ACTR3: variants seen among roughly 807,000 people sequenced by gnomAD.
ACTR3 encodes the protein actin related protein 3, also known as actin-related protein 3.
ACTR3 carries 12 observed loss-of-function variants against 56.8 expected under a neutral mutation model. The observed-to-expected ratio is 0.21, with a 90% CI of 0.14 to 0.34. ACTR3 has a LOEUF of 0.34. Among genes scored for constraint, ACTR3 ranks in the 10% least tolerant of loss-of-function variants. The probability of loss-of-function intolerance (pLI) is 1.00; values close to 1 mark genes in which losing one functional copy is unlikely to be tolerated. For synonymous variants in ACTR3, 162 were observed against 167.4 expected, an observed-to-expected ratio of 0.97 and a Z score of 0.25; for missense variants, 282 against 512.5, an observed-to-expected ratio of 0.55 and a Z score of 4.34.
intron 2 of ACTR3, among the ~76,000 whole-genome samples, chr2:113,913,929 A>G (rs776744349): frequency 6.6e-6 from 1 of 152,208 alleles, no homozygotes; most frequent in Non-Finnish European, 1.5e-5. Flanking sequence ...CGTTTTTTGT[A>G]CATAATATAG....
Position 113,940,066 on chromosome 2 carries a change from T to G in ACTR3, c.648T>G (p.Pro216=). Reference sequence around the variant, plus strand: ...TGAGAGACCGAGAAGTAGGAATCCCTCCAGAACAATCCTTGGAAACTGCTA... The same window carrying G: ...TGAGAGACCGAGAAGTAGGAATCCCGCCAGAACAATCCTTGGAAACTGCTA... ...QLLRDREVGI[P]PEQSLETAKA... is the part of the protein sequence containing the mutation. The change falls in exon 7 of 12, where the codon CCT becomes CCG. Residue 216 remains proline (P), a synonymous_variant. Transcript: ENST00000263238. 6.2e-7 allele frequency: 1 copy of G among 1,613,286 alleles called. No individual in the cohort carries two copies. Among genetic ancestry groups the G allele is most frequent in the East Asian group, 2.2e-5 (1 of 44,758 alleles).
intron 1 of ACTR3, among the ~76,000 whole-genome samples, chr2:113,902,165 A>T (rs1679111475): frequency 6.6e-6 from 1 of 152,152 alleles, no homozygotes. Flanking sequence ...AGAGGCAGTT[A>T]CTGTTGTGAC....
intron 10 of ACTR3, chr2:113,952,077 CT>C (rs987210633): frequency 8.9e-4 from 409 of 459,770 alleles, no homozygotes; most frequent in Middle Eastern, 2.6e-3. Flanking sequence ...TGTGGAAAGA[CT>C]TTTTTTTTAA....
At chr2:113,934,468 T>C in intron 6 of ACTR3, 82 bp downstream of exon 6, 1 of 902,184 alleles carries the variant, frequency 1.1e-6, no homozygotes, top group Admixed American at 2.9e-5. Context: ...ATGTTACTTT[T>C]AAAAAACTTT....
intron 1 of ACTR3, among the ~76,000 whole-genome samples, chr2:113,892,261 G>A (rs1678918456): frequency 6.6e-6 from 1 of 152,200 alleles, no homozygotes; most frequent in Non-Finnish European, 1.5e-5. Context: ...TGACCAGTAG[G>A]ATCGGGAAGA....
At chr2:113,944,584 TAAAAAAAAAAA>T (rs34378884) in intron 8 of ACTR3, among the ~76,000 whole-genome samples, 5 of 57,992 alleles carry the variant, frequency 8.6e-5, no homozygotes, top group Admixed American at 2.6e-4. Flanking sequence ...CCGTCTCTAC[TAAAAAAAAAAA>T]AAAAAAAAAA....
At chr2:113,942,467 TGA>T in intron 8 of ACTR3, 108 bp downstream of exon 8, 1 of 725,000 alleles carries the variant, frequency 1.4e-6, no homozygotes, top group Non-Finnish European at 2.0e-6. Flanking sequence ...ACTAAAAGTT[TGA>T]GTTTTTATGA....
intron 1 of ACTR3, among the ~76,000 whole-genome samples, chr2:113,912,481 A>G (rs886583582): frequency 6.6e-6 from 1 of 152,226 alleles, no homozygotes. Flanking sequence ...CTACTGTGAC[A>G]AAACATTAAA....
chr2:113,944,032 G>C (rs2104621558), intron 8 of ACTR3, among the ~76,000 whole-genome samples: 1 of 152,308 alleles, frequency 6.6e-6, no homozygotes, highest in African/African-American at 2.4e-5. Context: ...TCATAAAATT[G>C]AGAGAAGTGA....
In ACTR3 at chr2:113,934,473, A is replaced by T. The variant is rs564747022; in HGVS notation, c.540+87A>T. 4.0e-5 allele frequency: 35 copies of T among 880,562 alleles called. No homozygotes were observed. In the East Asian group the frequency reaches 5.8e-4, roughly 14 times the overall value. The allele number at this position is 880,562 out of a possible 1,614,324, so 54.5% of individuals were successfully genotyped here. The stretch of plus-strand genomic sequence containing the variant: ...ATACGAATTAATGTTACTTTTAAAA[A>T]ACTTTAAATGCTGCACTATAATTTG... On this transcript the variant is annotated intron_variant, in intron 6 of 11. Transcript: ENST00000263238.
At chr2:113,906,244 G>A (rs1035242347) in intron 1 of ACTR3, among the ~76,000 whole-genome samples, 2 of 152,086 alleles carry the variant, frequency 1.3e-5, no homozygotes, top group Admixed American at 1.3e-4. Flanking sequence ...TATTAGTAAG[G>A]TTGAACATCT....
At chr2:113,956,825 C>T (rs2104634257) in intron 11 of ACTR3, among the ~76,000 whole-genome samples, 1 of 152,280 alleles carries the variant, frequency 6.6e-6, no homozygotes. Context: ...TAGTCTTCTT[C>T]AATTGGGCCA....
intron 1 of ACTR3, among the ~76,000 whole-genome samples, chr2:113,910,696 G>A (rs1013505018): frequency 1.3e-5 from 2 of 152,164 alleles, no homozygotes; most frequent in African/African-American, 4.8e-5. Context: ...CCACACATTT[G>A]GTCCCAGAAG....
At chr2:113,955,406 C>G (rs1422080640) in intron 10 of ACTR3, 1 of 397,286 alleles carries the variant, frequency 2.5e-6, no homozygotes, top group East Asian at 4.0e-5. Flanking sequence ...ATTGTTATTT[C>G]CCTTCCATTT....
At chr2:113,941,344 T>C (rs967261789) in intron 7 of ACTR3, among the ~76,000 whole-genome samples, 6 of 152,328 alleles carry the variant, frequency 3.9e-5, no homozygotes, top group African/African-American at 1.4e-4. Context: ...CCAGAGAAGA[T>C]TGATGGTCAT....
intron 1 of ACTR3, among the ~76,000 whole-genome samples, chr2:113,892,686 T>C (rs913962807): frequency 6.6e-6 from 1 of 152,232 alleles, no homozygotes; most frequent in Non-Finnish European, 1.5e-5. Context: ...ACCTGTAATT[T>C]GTCTAATTTT....
intron 4 of ACTR3, among the ~76,000 whole-genome samples, chr2:113,930,731 A>G (rs1679705993): frequency 6.6e-6 from 1 of 152,214 alleles, no homozygotes; most frequent in South Asian, 2.1e-4. Flanking sequence ...TAAGTGATGT[A>G]TACAGTCACA....
chr2:113,945,014 C>G (rs34574779), intron 8 of ACTR3, among the ~76,000 whole-genome samples: 11,184 of 152,124 alleles, frequency 0.074, 462 homozygotes, highest in African/African-American at 0.1. Context: ...AGAGCAAGTC[C>G]TGAAAGCTGA....
At chr2:113,951,986 A>G (rs1213434425) in intron 10 of ACTR3, 141 bp downstream of exon 10, 2 of 1,068,674 alleles carry the variant, frequency 1.9e-6, no homozygotes, top group African/African-American at 1.6e-5. Context: ...AATGTTATAG[A>G]TTTATGTCTG....
Sources: allele counts gnomAD v4.1 joint callset (sites outside exome capture counted in the v4.1 genomes callset), GRCh38; gene constraint gnomAD v4.1.1; transcripts MANE v1.5; gene names NCBI Gene and HGNC (gene_info 2026-07-23, HGNC 2026-07-21).